The following PLXNC1 variants were observed in gnomAD, a reference collection of about 807,000 sequenced individuals.
The protein encoded by PLXNC1 is plexin-C1.
A neutral mutation model predicts 178.2 loss-of-function variants in PLXNC1; 75 were observed. That is an observed-to-expected ratio of 0.42 (90% CI 0.35 to 0.51). The LOEUF (loss-of-function observed/expected upper bound fraction) is 0.51, where lower values mean the gene tolerates loss of function less well. PLXNC1 is among the 20% of genes least tolerant of loss of function. The pLI is 0.02. For synonymous variants in PLXNC1, 790 were observed against 779.9 expected (o/e 1.01, Z -0.22); for missense variants, 1,503 against 1,984.4 (o/e 0.76, Z 4.61).
At chr12:94,225,869 C>G (rs1403212352) in intron 7 of PLXNC1, among the ~76,000 whole-genome samples, 1 of 152,216 alleles carries the variant, frequency 6.6e-6, no homozygotes, top group Non-Finnish European at 1.5e-5. Flanking sequence ...ACGGAAACTG[C>G]AGTTTCTGTA....
intron 1 of PLXNC1, among the ~76,000 whole-genome samples, chr12:94,163,255 G>A (rs1273472457): frequency 6.6e-6 from 1 of 152,072 alleles, no homozygotes; most frequent in African/African-American, 2.4e-5. Context: ...CTACTCCGGA[G>A]GCTGAGGCAG....
Position 94,305,845 on chromosome 12 carries a change from TTAAACCAAAAAC to T in PLXNC1, c.*564_*575del, listed in dbSNP as rs1968948948. On this transcript the variant is annotated 3_prime_UTR_variant, in exon 31 of 31. Transcript: ENST00000258526. The stretch of plus-strand genomic sequence containing the variant: ...AGCATTTGTGAGTGTGTGTGTGTGT[TTAAACCAAAAAC>T]TAACAGTGTTGCAACATTGTTGAAA... 1 of 152,136 alleles carries T rather than the reference TTAAACCAAAAAC, an allele frequency of 6.6e-6. No homozygotes were observed. Among genetic ancestry groups the T allele is most frequent in the Non-Finnish European group, 1.5e-5 (1 of 68,042 alleles). 9.4% of individuals were successfully genotyped at this position (152,136 alleles called of 1,614,324 possible).
intron 28 of PLXNC1, among the ~76,000 whole-genome samples, chr12:94,301,832 C>A (rs892719600): frequency 2.0e-5 from 3 of 152,124 alleles, no homozygotes; most frequent in African/African-American, 7.2e-5. Flanking sequence ...CCTAGCATTG[C>A]CTAGTCTCTC....
chr12:94,301,549 A>G (rs1357448276), intron 28 of PLXNC1, among the ~76,000 whole-genome samples: 1 of 152,210 alleles, frequency 6.6e-6, no homozygotes, highest in Non-Finnish European at 1.5e-5. Context: ...TTGCTGATCA[A>G]TAGTCCCAAG....
intron 9 of PLXNC1, among the ~76,000 whole-genome samples, chr12:94,232,157 G>T (rs1964120353): frequency 6.6e-6 from 1 of 151,964 alleles, no homozygotes; most frequent in Non-Finnish European, 1.5e-5. Flanking sequence ...CACAATCTCG[G>T]CTCACTGCAA....
intron 3 of PLXNC1, chr12:94,186,095 T>G (rs1055397515): frequency 2.1e-5 from 6 of 283,818 alleles, no homozygotes; most frequent in Non-Finnish European, 4.2e-5. Context: ...AAAAAATCTT[T>G]TAAATGAAAA....
At chr12:94,229,970 T>TA (rs1187978789) in intron 9 of PLXNC1, among the ~76,000 whole-genome samples, 1 of 152,228 alleles carries the variant, frequency 6.6e-6, no homozygotes. Flanking sequence ...TCAATAGTAC[T>TA]ATCCTGCAAA....
intron 12 of PLXNC1, among the ~76,000 whole-genome samples, chr12:94,245,235 G>A (rs565407033): frequency 2.0e-5 from 3 of 152,208 alleles, no homozygotes; most frequent in Non-Finnish European, 4.4e-5. Flanking sequence ...AGTTTGTCAC[G>A]GACTTGCTCT....
chr12:94,168,724 C>G (rs984174621), intron 1 of PLXNC1, among the ~76,000 whole-genome samples: 2 of 152,202 alleles, frequency 1.3e-5, no homozygotes, highest in Non-Finnish European at 2.9e-5. Context: ...CGTGTCACAT[C>G]TTGGGAAATG....
At chr12:94,297,043 A>G (rs1326978025) in intron 24 of PLXNC1, 146 bp from the exon 25 acceptor site, 15 of 716,336 alleles carry the variant, frequency 2.1e-5, no homozygotes, top group African/African-American at 3.5e-5. Context: ...CAGCAGGGGG[A>G]AAAATGTAGC....
At chr12:94,182,889 A>G (rs867557008) in intron 3 of PLXNC1, among the ~76,000 whole-genome samples, 3 of 150,776 alleles carry the variant, frequency 2.0e-5, no homozygotes, top group South Asian at 2.1e-4. Flanking sequence ...CTATCTATCT[A>G]TCTATCTATC....
At chr12:94,182,051 CT>C (rs936774906) in intron 3 of PLXNC1, among the ~76,000 whole-genome samples, 37 of 152,186 alleles carry the variant, frequency 2.4e-4, no homozygotes, top group African/African-American at 8.9e-4. Flanking sequence ...TTTGGCTTTT[CT>C]TTTGCTTCTG....
At chr12:94,207,025 C>T (rs189695708) in intron 4 of PLXNC1, among the ~76,000 whole-genome samples, 13 of 152,290 alleles carry the variant, frequency 8.5e-5, no homozygotes, top group Admixed American at 5.2e-4. Flanking sequence ...GCTATAAGAT[C>T]TGCTCTGTAA....
chr12:94,225,603 CG>C (rs1408960141), intron 7 of PLXNC1, among the ~76,000 whole-genome samples: 3 of 152,146 alleles, frequency 2.0e-5, no homozygotes, highest in Non-Finnish European at 4.4e-5. Flanking sequence ...GTAGCTCCCC[CG>C]ATGCCCACTT....
intron 9 of PLXNC1, among the ~76,000 whole-genome samples, chr12:94,231,549 G>T (rs1276872380): frequency 1.3e-5 from 2 of 152,140 alleles, no homozygotes; most frequent in Non-Finnish European, 1.5e-5. Context: ...GTAGGGTCCT[G>T]GTTCAGTCCC....
chr12:94,251,762 G>A (rs548804113), intron 15 of PLXNC1, among the ~76,000 whole-genome samples: 4 of 152,312 alleles, frequency 2.6e-5, no homozygotes, highest in South Asian at 2.1e-4. Context: ...ACACTGAGGC[G>A]GGCGGATCGC....
At chr12:94,234,974 GA>G (rs1389184322) in intron 9 of PLXNC1, among the ~76,000 whole-genome samples, 1 of 152,210 alleles carries the variant, frequency 6.6e-6, no homozygotes, top group East Asian at 1.9e-4. Context: ...CCATGGAGCT[GA>G]CTCTACATTT....
intron 4 of PLXNC1, among the ~76,000 whole-genome samples, chr12:94,196,717 C>G (rs943142809): frequency 6.6e-6 from 1 of 152,212 alleles, no homozygotes; most frequent in African/African-American, 2.4e-5. Context: ...GAGTCCAGGC[C>G]TGGCCAGGAG....
chr12:94,175,530 G>A (rs1962019369), intron 2 of PLXNC1, among the ~76,000 whole-genome samples: 1 of 152,146 alleles, frequency 6.6e-6, no homozygotes, highest in Admixed American at 6.5e-5. Context: ...GTGTAGTTGG[G>A]AGTTTTATAT....
Sources: gnomAD v4.1 joint callset for allele counts (sites outside exome capture counted in the v4.1 genomes callset) on GRCh38, gnomAD v4.1.1 for gene constraint, MANE v1.5 for transcripts, NCBI Gene and HGNC (gene_info 2026-07-23, HGNC 2026-07-21) for gene names.